Variants in PPP4R3A observed in about 807,000 individuals in gnomAD.
The protein encoded by PPP4R3A is serine/threonine-protein phosphatase 4 regulatory subunit 3A.
Under a neutral mutation model 91.7 loss-of-function variants are expected in PPP4R3A, and 15 were observed. The observed-to-expected ratio is 0.16, with a 90% CI of 0.11 to 0.25. The LOEUF (loss-of-function observed/expected upper bound fraction) is 0.25, where lower values mean the gene tolerates loss of function less well. PPP4R3A is among the 10% of genes least tolerant of loss of function. The pLI is 1.00. For synonymous variants in PPP4R3A, 377 were observed against 348.7 expected, an observed-to-expected ratio of 1.08 and a Z score of -0.91; for missense variants, 623 against 998.4, an observed-to-expected ratio of 0.62 and a Z score of 5.07.
At position 91,481,858 on chromosome 14, in the gene PPP4R3A, C is replaced by T; in HGVS notation, c.633G>A (p.Met211Ile). ...LLNRTALFEV[M>I]FSEECIMDVI... ...CGTCCATTATACATTCTTCAGAGAA[C>T]ATAACTTCAAAAAGAGCAGTTCGAT... Residue 211 changes from methionine (M) to isoleucine (I), a missense_variant, in exon 4 of 15, where the codon ATG becomes ATA. Around this residue, in one of 5 missense-constraint regions of PPP4R3A, gnomAD observed 264 missense variants for 377.3 expected, o/e 0.70. Transcript: ENST00000554943. 1 of 1,614,142 alleles carries T rather than the reference C, an allele frequency of 6.2e-7. No individual in the cohort carries two copies. The highest frequency in any genetic ancestry group is 2.2e-5 in the East Asian group (1 of 44,880).
Position 91,470,066 on chromosome 14 carries a change from C to A in PPP4R3A, c.1660+771G>T, listed in dbSNP as rs779394922. ...TGCTTCAAACAACAACAACAACAAACACTCAAACTTACCTTTAAAAACCAA... is the reference window on the plus strand; with the variant it reads ...TGCTTCAAACAACAACAACAACAAAAACTCAAACTTACCTTTAAAAACCAA... On this transcript the variant is annotated intron_variant, in intron 10 of 14. Transcript: ENST00000554943. Among the ~76,000 whole-genome samples the A allele has an allele frequency of 2.8e-4, 43 of 151,932 alleles. 1 individual carries two copies. The highest frequency in any genetic ancestry group is 5.6e-4 in the Non-Finnish European group (38 of 67,974).
chr14:91,487,249 CAAAAAA>C (rs35970764), intron 2 of PPP4R3A, among the ~76,000 whole-genome samples: 4 of 80,264 alleles, frequency 5.0e-5, no homozygotes, highest in Non-Finnish European at 7.2e-5. Flanking sequence ...GAGTCCGTCT[CAAAAAA>C]AAAAAAAAAA....
chr14:91,469,279 GAATC>G (rs1319692230), intron 10 of PPP4R3A, among the ~76,000 whole-genome samples: 1 of 152,110 alleles, frequency 6.6e-6, no homozygotes, highest in Non-Finnish European at 1.5e-5. Flanking sequence ...TACATTTTTT[GAATC>G]AATGAAATAT....
intron 1 of PPP4R3A, among the ~76,000 whole-genome samples, chr14:91,508,461 C>CG (rs1226978004): frequency 6.6e-6 from 1 of 152,064 alleles, no homozygotes; most frequent in Non-Finnish European, 1.5e-5. Flanking sequence ...AAACTGGCAT[C>CG]GTTAGCAACT....
rs536769563 is a variant in PPP4R3A, at chr14:91,474,062, C to T, written c.1267-692G>A. 2.4e-4 allele frequency among the ~76,000 whole-genome samples: 37 copies of T among 152,322 alleles called. No homozygotes were observed. The East Asian group carries it at 6.2e-3, about 25-fold the overall frequency. Reference sequence around the variant, plus strand: ...GGGATTACAGGCGTGAGCCACCGTGCCTGGTCTATTGCTTTTATTATTATA... The same window carrying T: ...GGGATTACAGGCGTGAGCCACCGTGTCTGGTCTATTGCTTTTATTATTATA... On this transcript the variant is annotated intron_variant, in intron 7 of 14. Transcript: ENST00000554943.
At position 91,481,896 on chromosome 14, in the gene PPP4R3A, T is replaced by C. The variant is rs1889580880; in HGVS notation, c.595A>G (p.Ile199Val). 1 of 1,613,982 alleles carries C rather than the reference T, an allele frequency of 6.2e-7. No homozygotes were observed. The highest frequency in any genetic ancestry group is 8.5e-7 in the Non-Finnish European group (1 of 1,180,030). ...AGAGCAGTTCGATTCAAGAGAAAGA[T>C]GCCTTTGATAATTTCATACAAGTGG... is the stretch of plus-strand genomic sequence containing the variant. The part of the protein sequence containing the change: ...LHHLYEIIKG[I>V]FLLNRTALFE... Residue 199 changes from isoleucine to valine, a missense_variant, in exon 4 of 15, where the codon ATC becomes GTC. By Grantham distance (29) the Ile-to-Val change is conservative. Around this residue, in one of 5 missense-constraint regions of PPP4R3A, gnomAD observed 264 missense variants for 377.3 expected, o/e 0.70. Coordinates refer to ENST00000554943, the MANE Select transcript of PPP4R3A (RefSeq NM_001366432.2).
At chr14:91,490,152 G>C (rs1419788305) in intron 2 of PPP4R3A, among the ~76,000 whole-genome samples, 2 of 152,168 alleles carry the variant, frequency 1.3e-5, no homozygotes, top group Non-Finnish European at 2.9e-5. Flanking sequence ...GCACGCGCGT[G>C]TGTACTGAAT....
At chr14:91,493,907 G>C (rs1437628157) in intron 1 of PPP4R3A, among the ~76,000 whole-genome samples, 1 of 150,106 alleles carries the variant, frequency 6.7e-6, no homozygotes, top group African/African-American at 2.5e-5. Context: ...TGAGTAGCTG[G>C]GCATGTGCCA....
intron 2 of PPP4R3A, among the ~76,000 whole-genome samples, chr14:91,489,678 T>C (rs1890119838): frequency 6.6e-6 from 1 of 152,242 alleles, no homozygotes; most frequent in South Asian, 2.1e-4. Flanking sequence ...CTTCAAAACA[T>C]GTATTTAATG....
intron 11 of PPP4R3A, among the ~76,000 whole-genome samples, chr14:91,463,685 C>T (rs957486217): frequency 6.6e-6 from 1 of 150,954 alleles, no homozygotes; most frequent in Non-Finnish European, 1.5e-5. Context: ...GCAATCCTCC[C>T]ACTTTGGCCT....
Position 91,509,807 on chromosome 14 carries a change from G to A in PPP4R3A, c.-160C>T. Reference sequence around the variant, plus strand: ...GCGGGGCCGCGCCGCCGCCTGCATGGCCCGCTCCAGGGACCGAGCTCTGGG... The same window carrying A: ...GCGGGGCCGCGCCGCCGCCTGCATGACCCGCTCCAGGGACCGAGCTCTGGG... On this transcript the variant is annotated 5_prime_UTR_variant, in exon 1 of 15. Coordinates refer to ENST00000554943, the MANE Select transcript of PPP4R3A (RefSeq NM_001366432.2). 8.2e-7 allele frequency: 1 copy of A among 1,225,840 alleles called. No individual in the cohort carries two copies. Among genetic ancestry groups the A allele is most frequent in the Non-Finnish European group, 1.0e-6 (1 of 987,074 alleles). 75.9% of individuals were successfully genotyped at this position (1,225,840 alleles called of 1,614,324 possible).
intron 10 of PPP4R3A, among the ~76,000 whole-genome samples, chr14:91,469,227 T>C (rs1888691056): frequency 1.3e-5 from 2 of 152,190 alleles, no homozygotes; most frequent in Admixed American, 6.5e-5. Flanking sequence ...AATGGGTTAA[T>C]TGTAAGACTC....
Position 91,458,633 on chromosome 14 carries a change from G to A in PPP4R3A, c.*126C>T. On this transcript the variant is annotated 3_prime_UTR_variant, in exon 15 of 15. Transcript: ENST00000554943. ...TTGGCACTTGATGAGCAGAAGTCAA[G>A]TGTAAGAGGCTGATCTGTGTCAGTC... The A allele has an allele frequency of 7.3e-7, 1 of 1,369,294 alleles. No individual in the cohort carries two copies. Among genetic ancestry groups the A allele is most frequent in the East Asian group, 2.3e-5 (1 of 43,620 alleles). The allele number at this position is 1,369,294 out of a possible 1,614,324, so 84.8% of individuals were successfully genotyped here.
intron 3 of PPP4R3A, among the ~76,000 whole-genome samples, chr14:91,483,224 G>A (rs1487904173): frequency 6.6e-6 from 1 of 152,160 alleles, no homozygotes; most frequent in Admixed American, 6.5e-5. Context: ...AGGCCAAGTA[G>A]AATGGTAAAG....
At chr14:91,500,088 T>C (rs1023159020) in intron 1 of PPP4R3A, among the ~76,000 whole-genome samples, 1 of 152,194 alleles carries the variant, frequency 6.6e-6, no homozygotes, top group Non-Finnish European at 1.5e-5. Context: ...CAGGTGCAAG[T>C]TAATACAACA....
chr14:91,463,284 C>T (rs929736328), intron 11 of PPP4R3A, among the ~76,000 whole-genome samples: 8 of 151,818 alleles, frequency 5.3e-5, no homozygotes, highest in South Asian at 4.2e-4. Flanking sequence ...AGGCTGGTCT[C>T]GAACTCCCGA....
At chr14:91,502,629 C>A (rs1891035652) in intron 1 of PPP4R3A, among the ~76,000 whole-genome samples, 1 of 152,188 alleles carries the variant, frequency 6.6e-6, no homozygotes, top group African/African-American at 2.4e-5. Flanking sequence ...TAGAGGCAGA[C>A]CCACCTACAA....
intron 1 of PPP4R3A, among the ~76,000 whole-genome samples, chr14:91,495,692 A>C (rs990120441): frequency 7.7e-6 from 1 of 129,286 alleles, no homozygotes; most frequent in African/African-American, 2.7e-5. Context: ...AAATACTGTT[A>C]AAAAAAAAAC....
At chr14:91,475,992 C>A in intron 6 of PPP4R3A, 26 bp from the exon 7 acceptor site, 1 of 1,513,646 alleles carries the variant, frequency 6.6e-7, no homozygotes, top group South Asian at 1.4e-5. Context: ...ATTTATTTTT[C>A]CTGTATTTAT....
Sources: allele counts gnomAD v4.1 joint callset (sites outside exome capture counted in the v4.1 genomes callset), GRCh38; gene constraint gnomAD v4.1.1; regional missense constraint gnomAD v4.1.1; transcripts MANE v1.5; gene names NCBI Gene and HGNC (gene_info 2026-07-23, HGNC 2026-07-21).